The following VWC2L variants were observed in gnomAD, a reference collection of about 807,000 sequenced individuals.
The protein encoded by VWC2L is von Willebrand factor C domain-containing protein 2-like.
In VWC2L, 10 loss-of-function variants were observed where a neutral mutation model predicts 21.6. The ratio of observed to expected loss-of-function variants is 0.46; its 90% CI spans 0.29 to 0.78. VWC2L has a LOEUF of 0.78. Ranked by LOEUF, VWC2L falls within the 30% of genes least tolerant of loss-of-function variation. VWC2L has a pLI of 0.10. For missense variants in VWC2L, 209 were observed against 277.1 expected (o/e 0.75, Z 1.74); for synonymous variants, 96 against 94.3 (o/e 1.02, Z -0.10).
chr2:214,545,421 T>C (rs548844924), intron 3 of VWC2L, among the ~76,000 whole-genome samples: 1 of 152,254 alleles, frequency 6.6e-6, no homozygotes, highest in South Asian at 2.1e-4. Flanking sequence ...TGACACAAAT[T>C]TTTTTAACCA....
At chr2:214,471,251 C>A (rs1227529460) in intron 3 of VWC2L, among the ~76,000 whole-genome samples, 2 of 151,948 alleles carry the variant, frequency 1.3e-5, no homozygotes, top group Non-Finnish European at 2.9e-5. Flanking sequence ...ATTGCAGACC[C>A]CTTACATTGC....
At chr2:214,556,552 C>T (rs998880281) in intron 3 of VWC2L, among the ~76,000 whole-genome samples, 2 of 152,112 alleles carry the variant, frequency 1.3e-5, no homozygotes, top group African/African-American at 4.8e-5. Context: ...GAAAAAATAC[C>T]CTACAACAAT....
intron 3 of VWC2L, among the ~76,000 whole-genome samples, chr2:214,539,736 C>T (rs1436141152): frequency 6.6e-6 from 1 of 152,118 alleles, no homozygotes; most frequent in East Asian, 1.9e-4. Context: ...AAGACACGAA[C>T]TTTCCTGGAA....
At chr2:214,527,465 C>T (rs998890383) in intron 3 of VWC2L, among the ~76,000 whole-genome samples, 1 of 152,092 alleles carries the variant, frequency 6.6e-6, no homozygotes, top group African/African-American at 2.4e-5. Flanking sequence ...GAATGGAATC[C>T]TTAACTAATG....
At chr2:214,417,762 G>A (rs909017190) in intron 2 of VWC2L, among the ~76,000 whole-genome samples, 3 of 152,144 alleles carry the variant, frequency 2.0e-5, no homozygotes, top group Non-Finnish European at 4.4e-5. Flanking sequence ...GAAATAAAAT[G>A]CGGATTGTTC....
intron 3 of VWC2L, among the ~76,000 whole-genome samples, chr2:214,527,805 T>C (rs976518873): frequency 6.6e-6 from 1 of 152,224 alleles, no homozygotes; most frequent in Non-Finnish European, 1.5e-5. Context: ...AATACATTAA[T>C]ATTAACACCA....
At chr2:214,484,976 AC>A (rs1221992536) in intron 3 of VWC2L, among the ~76,000 whole-genome samples, 8 of 152,076 alleles carry the variant, frequency 5.3e-5, no homozygotes, top group African/African-American at 1.7e-4. Flanking sequence ...ATTATTAAGG[AC>A]CTGTTTGAAA....
At chr2:214,464,708 G>T (rs1248727401) in intron 3 of VWC2L, among the ~76,000 whole-genome samples, 1 of 152,136 alleles carries the variant, frequency 6.6e-6, no homozygotes, top group African/African-American at 2.4e-5. Context: ...ATCCAGGCTT[G>T]TATCTTACAC....
At chr2:214,494,756 G>GT (rs201921588) in intron 3 of VWC2L, among the ~76,000 whole-genome samples, 32 of 150,306 alleles carry the variant, frequency 2.1e-4, no homozygotes, top group Non-Finnish European at 3.3e-4. Flanking sequence ...ACACAACTGT[G>GT]TTTTTTTTAT....
chr2:214,558,864 CT>C (rs1280164132), intron 3 of VWC2L, among the ~76,000 whole-genome samples: 2 of 148,868 alleles, frequency 1.3e-5, no homozygotes, highest in Non-Finnish European at 3.0e-5. Flanking sequence ...GCTAGTGTTT[CT>C]TTTTTTTAAA....
At chr2:214,537,948 C>A (rs1240770501) in intron 3 of VWC2L, among the ~76,000 whole-genome samples, 1 of 144,776 alleles carries the variant, frequency 6.9e-6, no homozygotes, top group South Asian at 2.2e-4. Flanking sequence ...GATTTTAAAC[C>A]AGACACTAAG....
intron 2 of VWC2L, 91 bp from the exon 3 acceptor site, chr2:214,436,538 A>G: frequency 6.8e-7 from 1 of 1,480,046 alleles, no homozygotes; most frequent in Non-Finnish European, 9.3e-7. Context: ...AGCCAATATA[A>G]TAAGCACTGA....
At chr2:214,517,406 C>T (rs1689160540) in intron 3 of VWC2L, among the ~76,000 whole-genome samples, 1 of 152,102 alleles carries the variant, frequency 6.6e-6, no homozygotes, top group African/African-American at 2.4e-5. Context: ...CAGTGGTTTC[C>T]AATTTTTGGC....
At chr2:214,478,529 T>C (rs1475931560) in intron 3 of VWC2L, among the ~76,000 whole-genome samples, 1 of 151,654 alleles carries the variant, frequency 6.6e-6, no homozygotes, top group East Asian at 1.9e-4. Flanking sequence ...TGATTTTGTA[T>C]GTGAATAAAA....
chr2:214,483,385 T>C (rs548660845), intron 3 of VWC2L, among the ~76,000 whole-genome samples: 2 of 150,014 alleles, frequency 1.3e-5, no homozygotes, highest in African/African-American at 4.9e-5. Context: ...ATTAGCATGA[T>C]AAAAATTAGA....
At chr2:214,415,497 G>T (rs947735000) in intron 2 of VWC2L, among the ~76,000 whole-genome samples, 1 of 152,144 alleles carries the variant, frequency 6.6e-6, no homozygotes, top group Admixed American at 6.6e-5. Context: ...CAGAACCTTA[G>T]AGGTAAAAGC....
chr2:214,433,159 GATATATATAT>G (rs5838434), intron 2 of VWC2L, among the ~76,000 whole-genome samples: 28 of 132,990 alleles, frequency 2.1e-4, no homozygotes, highest in Non-Finnish European at 3.6e-4. Context: ...CAAGCCACCT[GATATATATAT>G]ATATATATAT....
rs1442176706 is a variant in VWC2L, at chr2:214,578,140, TAATA to T, written c.*2324_*2327del. 2 of 152,134 alleles carry T rather than the reference TAATA, an allele frequency of 1.3e-5. No homozygotes were observed. The highest frequency in any genetic ancestry group is 2.9e-5 in the Non-Finnish European group (2 of 68,014). The allele number at this position is 152,134 out of a possible 1,614,324, so 9.4% of individuals were successfully genotyped here. On this transcript the variant is annotated 3_prime_UTR_variant, in exon 4 of 4. Transcript: ENST00000312504. ...CCACACTCTTGGAAAGAAATAATAA[TAATA>T]AATGACAGGAATAAGGTTTGAAACT...
At chr2:214,423,123 T>C (rs2126172948) in intron 2 of VWC2L, among the ~76,000 whole-genome samples, 1 of 152,254 alleles carries the variant, frequency 6.6e-6, no homozygotes, top group South Asian at 2.1e-4. Flanking sequence ...TAATTTTTGT[T>C]TTAGTATTTA....
Sources: gnomAD v4.1 joint callset for allele counts (sites outside exome capture counted in the v4.1 genomes callset) on GRCh38, gnomAD v4.1.1 for gene constraint, MANE v1.5 for transcripts, NCBI Gene and HGNC (gene_info 2026-07-23, HGNC 2026-07-21) for gene names.